Variants in ZNF440 observed in about 807,000 individuals in gnomAD.
ZNF440 encodes zinc finger protein 440.
Under a neutral mutation model 49.7 loss-of-function variants are expected in ZNF440, and 47 were observed. The ratio of observed to expected loss-of-function variants is 0.95; its 90% confidence interval spans 0.75 to 1.21. ZNF440 has a LOEUF of 1.21. Among genes scored for constraint, ZNF440 ranks in the 50% most tolerant of loss-of-function variants. ZNF440 has a pLI of 0.00. For missense variants in ZNF440, 703 were observed against 715.0 expected (o/e 0.98, Z 0.19); for synonymous variants, 255 against 237.7 (o/e 1.07, Z -0.67).
At chr19:11,829,119 G>A (rs1975902468) in intron 1 of ZNF440, among the ~76,000 whole-genome samples, 2 of 152,110 alleles carry the variant, frequency 1.3e-5, no homozygotes, top group South Asian at 4.1e-4. Context: ...AGGTCGTATA[G>A]TGGTTAAATC....
Position 11,831,828 on chromosome 19 carries a change from C to G in ZNF440, c.652C>G (p.His218Asp), listed in dbSNP as rs1207758067. 3 of 1,609,024 alleles carry G rather than the reference C, an allele frequency of 1.9e-6. No individual in the cohort carries two copies. In the South Asian group the frequency reaches 3.3e-5, roughly 18 times the overall value. Residue 218 changes from histidine to aspartate, a missense_variant, in exon 4 of 4, where the codon CAT becomes GAT. Physicochemically the swap from His to Asp is moderately conservative, Grantham distance 81. Transcript: ENST00000304060. Reference protein sequence around the residue: ...AFHCLRLYLIHERIHTGEKPC... With the variant: ...AFHCLRLYLIDERIHTGEKPC... Reference sequence around the variant, plus strand: ...CCATTGTCTCAGATTATATCTTATCCATGAAAGAATTCACACTGGAGAGAA... The same window carrying G: ...CCATTGTCTCAGATTATATCTTATCGATGAAAGAATTCACACTGGAGAGAA...
At position 11,833,479 on chromosome 19, in the gene ZNF440, A is replaced by C; in HGVS notation, c.*515A>C. 2.9e-6 allele frequency: 1 copy of C among 345,542 alleles called. No homozygotes were observed. The highest frequency in any genetic ancestry group is 3.0e-5 in the South Asian group (1 of 33,524). The allele number at this position is 345,542 out of a possible 1,614,324, so 21.4% of individuals were successfully genotyped here. A position where few individuals can be genotyped will look rare whatever the true frequency, so the allele number is the denominator to read the frequency against. ...ATAGACATGAAAAGACTCACACTGGAAGGAAACACTATGAATGCAAGCAAT... is the reference window on the plus strand; with the variant it reads ...ATAGACATGAAAAGACTCACACTGGCAGGAAACACTATGAATGCAAGCAAT... On this transcript the variant is annotated 3_prime_UTR_variant, in exon 4 of 4. Coordinates refer to ENST00000304060, the MANE Select transcript of ZNF440 (RefSeq NM_152357.3).
chr19:11,827,187 C>A (rs769301352), intron 1 of ZNF440, among the ~76,000 whole-genome samples: 4 of 151,864 alleles, frequency 2.6e-5, no homozygotes, highest in Non-Finnish European at 4.4e-5. Flanking sequence ...CCTCAGCCTC[C>A]TGAGTAACTG....
At chr19:11,814,529 G>A (rs1975708033) in intron 1 of ZNF440, 79 bp downstream of exon 1, 2 of 1,372,964 alleles carry the variant, frequency 1.5e-6, no homozygotes, top group African/African-American at 1.5e-5. Context: ...CGGGACCCGG[G>A]CCTCCACGCG....
intron 1 of ZNF440, among the ~76,000 whole-genome samples, chr19:11,822,020 T>A (rs1975805988): frequency 6.6e-6 from 1 of 152,198 alleles, no homozygotes; most frequent in Admixed American, 6.5e-5. Context: ...GCCAAAGCGT[T>A]TCTTGGGGTC....
intron 1 of ZNF440, among the ~76,000 whole-genome samples, chr19:11,817,976 G>A (rs982035224): frequency 6.6e-5 from 10 of 152,146 alleles, no homozygotes; most frequent in African/African-American, 2.2e-4. Context: ...TTGGGAGGCC[G>A]AGGTGGGCGG....
intron 1 of ZNF440, among the ~76,000 whole-genome samples, chr19:11,824,690 AG>A (rs1327604428): frequency 6.9e-6 from 1 of 145,470 alleles, no homozygotes; most frequent in African/African-American, 2.5e-5. Flanking sequence ...CCAGGCTCAT[AG>A]TTCCCCCCAC....
intron 1 of ZNF440, among the ~76,000 whole-genome samples, chr19:11,814,775 A>T (rs1568237364): frequency 6.6e-6 from 1 of 152,214 alleles, no homozygotes. Context: ...CCGCAAAGAA[A>T]ACCAGCATCT....
intron 1 of ZNF440, among the ~76,000 whole-genome samples, chr19:11,815,284 T>TCTCACA (rs1555690473): frequency 1.7e-5 from 2 of 121,062 alleles, no homozygotes; most frequent in African/African-American, 3.2e-5. Flanking sequence ...GGCAACTCCG[T>TCTCACA]CACACACACA....
rs750542325 is a variant in ZNF440, at chr19:11,832,754, G to A, written c.1578G>A (p.Leu526=). The change falls in exon 4 of 4, where the codon CTG becomes CTA. Residue 526 remains leucine, a synonymous_variant. Transcript: ENST00000304060. Reference sequence around the variant, plus strand: ...GCAATGTGGGAAAGCCTTCAGAGCTGTGTCAATCCTTTGAATGCATGGTAG... The same window carrying A: ...GCAATGTGGGAAAGCCTTCAGAGCTATGTCAATCCTTTGAATGCATGGTAG... ...NASNVGKPSE[L]CQSFECMVGL... The A allele has an allele frequency of 1.2e-6, 2 of 1,612,844 alleles. No homozygotes were observed. Among genetic ancestry groups the A allele is most frequent in the Admixed American group, 3.3e-5 (2 of 59,820 alleles).
chr19:11,816,636 G>C (rs1975735834), intron 1 of ZNF440: 1 of 152,156 alleles, frequency 6.6e-6, no homozygotes, highest in Admixed American at 6.5e-5. Flanking sequence ...AAGGTACTTT[G>C]TTTTTGTTTT....
chr19:11,830,390 C>G lies in ZNF440; in HGVS notation c.111C>G (p.Phe37Leu), dbSNP rs1568242839. 1 of 1,614,138 alleles carries G rather than the reference C, an allele frequency of 6.2e-7. No individual in the cohort carries two copies. The highest frequency in any genetic ancestry group is 8.5e-7 in the Non-Finnish European group (1 of 1,180,004). ...ACAGGGAAGTGATGCTGGAAACTTT[C>G]AGGAACCTGACCTCTTTAGGTAAGG... ...KLYREVMLET[F>L]RNLTSLGKRW... is the part of the protein sequence containing the mutation. Residue 37 changes from phenylalanine to leucine, a missense_variant, in exon 2 of 4, where the codon TTC becomes TTG. Physicochemically the swap from Phe to Leu is conservative, Grantham distance 22 (BLOSUM62 0). Coordinates refer to ENST00000304060, the MANE Select transcript of ZNF440 (RefSeq NM_152357.3).
rs1555691979 is a variant in ZNF440, at chr19:11,832,460, A to G, written c.1284A>G (p.Glu428=). The G allele has an allele frequency of 2.5e-6, 4 of 1,613,990 alleles. No individual in the cohort carries two copies. Among genetic ancestry groups the G allele is most frequent in the Non-Finnish European group, 3.4e-6 (4 of 1,179,992 alleles). Residue 428 remains glutamate (E), a synonymous_variant, in exon 4 of 4, where the codon GAA becomes GAG. Transcript: ENST00000304060. ...GAGAGAAACCGTATGAATGTAAGGA[A>G]TGTGGGAAAGCCTTCAGATATGTGA... ...HTGEKPYECK[E]CGKAFRYVNN...
At chr19:11,816,948 T>C (rs1324393509) in intron 1 of ZNF440, 1 of 152,182 alleles carries the variant, frequency 6.6e-6, no homozygotes, top group Non-Finnish European at 1.5e-5. Flanking sequence ...ATGTTTTTAT[T>C]TTTAGTTTAC....
intron 2 of ZNF440, 85 bp from the exon 3 acceptor site, chr19:11,830,532 G>A (rs1975923030): frequency 6.3e-7 from 1 of 1,599,060 alleles, no homozygotes; most frequent in East Asian, 2.2e-5. Flanking sequence ...AGGTATGGCT[G>A]CAGTAAATCA....
rs542897808 is a variant in ZNF440 at position 11,834,872 on chromosome 19, G to C, written c.*1908G>C. ...AGTTAGAGACCATTCTGACCAATAT[G>C]ATCAAACCCCGTCTCTACTAAAAAT... On this transcript the variant is annotated 3_prime_UTR_variant, in exon 4 of 4. Transcript: ENST00000304060. 11 of 150,826 alleles carry C rather than the reference G, an allele frequency of 7.3e-5. No homozygotes were observed. Among genetic ancestry groups the C allele is most frequent in the African/African-American group, 2.7e-4 (11 of 41,028 alleles). The allele number at this position is 150,826 out of a possible 1,614,324, so 9.3% of individuals were successfully genotyped here.
At chr19:11,826,243 C>T (rs1305691685) in intron 1 of ZNF440, among the ~76,000 whole-genome samples, 4 of 152,126 alleles carry the variant, frequency 2.6e-5, no homozygotes, top group Non-Finnish European at 5.9e-5. Flanking sequence ...GTTCCCAGCA[C>T]ATGGGAGACT....
Position 11,831,763 on chromosome 19 carries a change from G to C in ZNF440, c.587G>C (p.Gly196Ala). The C allele has an allele frequency of 6.2e-7, 1 of 1,609,330 alleles. No individual in the cohort carries two copies. Among genetic ancestry groups the C allele is most frequent in the South Asian group, 1.1e-5 (1 of 90,736 alleles). ...CGAAGACACATGGTAATGCACAGTG[G>C]GGATGGACCTTATAAATGTAAGTTT... ...SVRRHMVMHS[G>A]DGPYKCKFCG... The change falls in exon 4 of 4, where the codon GGG becomes GCG. Residue 196 changes from glycine to alanine, a missense_variant. Transcript: ENST00000304060.
At chr19:11,831,343 A>G (rs779585444) in intron 3 of ZNF440, 25 bp from the exon 4 acceptor site, 2 of 1,593,198 alleles carry the variant, frequency 1.3e-6, no homozygotes, top group South Asian at 1.1e-5. Context: ...CAAACCCTTC[A>G]TAATATGCTT....
Sources: gnomAD v4.1 joint callset for allele counts (sites outside exome capture counted in the v4.1 genomes callset) on GRCh38, gnomAD v4.1.1 for gene constraint, MANE v1.5 for transcripts, NCBI Gene and HGNC (gene_info 2026-07-23, HGNC 2026-07-21) for gene names.